The following SENP6 variants were observed in gnomAD, a reference collection of about 807,000 sequenced individuals.
The protein encoded by SENP6 is sentrin-specific protease 6.
In SENP6, 41 loss-of-function variants were observed where a neutral mutation model predicts 134.5. The observed-to-expected ratio is 0.30, with a 90% confidence interval of 0.24 to 0.40. SENP6 has a LOEUF of 0.40. Among genes scored for constraint, SENP6 ranks in the 10% least tolerant of loss-of-function variants. The pLI, the probability that SENP6 is intolerant of heterozygous loss-of-function variation, is 1.00. For missense variants in SENP6, 1,248 were observed against 1,312.5 expected, an observed-to-expected ratio of 0.95 and a Z score of 0.76; for synonymous variants, 395 against 429.8, an observed-to-expected ratio of 0.92 and a Z score of 1.00.
chr6:75,652,540 C>A (rs757508292), intron 7 of SENP6, among the ~76,000 whole-genome samples: 1 of 150,914 alleles, frequency 6.6e-6, no homozygotes, highest in Non-Finnish European at 1.5e-5. Context: ...ACGTTAATGC[C>A]AAAATGCCTT....
chr6:75,663,821 T>TGG lies in SENP6; in HGVS notation c.994+313_994+314dup, dbSNP rs34474209. 4.0e-3 allele frequency among the ~76,000 whole-genome samples: 472 copies of TGG among 117,396 alleles called. 8 individuals are homozygous for TGG. The highest frequency in any genetic ancestry group is 0.014 in the East Asian group (64 of 4,460). The allele number at this position is 117,396 out of a possible 152,430, so 77.0% of individuals were successfully genotyped here. ...TGCTGATAGTGGGTTTTTTTTTTTG[T>TGG]GGGGGGGGGGGTGCCTAAAATAACA... On this transcript the variant is annotated intron_variant, in intron 9 of 23. Coordinates refer to ENST00000447266, the MANE Select transcript of SENP6 (RefSeq NM_015571.4).
intron 1 of SENP6, among the ~76,000 whole-genome samples, chr6:75,620,340 ACTGAGTGGC>A (rs1768175466): frequency 1.3e-5 from 2 of 152,064 alleles, no homozygotes; most frequent in South Asian, 4.2e-4. Context: ...AAGTCCATAG[ACTGAGTGGC>A]CTTTAAACCT....
At chr6:75,692,095 A>C (rs977678199) in intron 16 of SENP6, among the ~76,000 whole-genome samples, 4 of 152,082 alleles carry the variant, frequency 2.6e-5, no homozygotes, top group Non-Finnish European at 5.9e-5. Flanking sequence ...ACCTCAGGTG[A>C]TCCGCCTGCC....
At chr6:75,685,633 T>C (rs1363461468) in intron 16 of SENP6, among the ~76,000 whole-genome samples, 1 of 152,242 alleles carries the variant, frequency 6.6e-6, no homozygotes, top group African/African-American at 2.4e-5. Context: ...AACATCTTTA[T>C]TTCTGTCTTC....
rs566322466 is a variant in SENP6 at position 75,711,693 on chromosome 6, G to A, written c.2909+277G>A. 1.4e-4 allele frequency among the ~76,000 whole-genome samples: 22 copies of A among 152,238 alleles called. No homozygotes were observed. In the East Asian group the frequency reaches 3.9e-3, roughly 27 times the overall value. ...AATTTTTTATGTGTATATTTTTTGA[G>A]ACAGAGTCTTGCTCTGTCGCCCAGG... On this transcript the variant is annotated intron_variant, in intron 21 of 23. Transcript: ENST00000447266.
intron 1 of SENP6, among the ~76,000 whole-genome samples, chr6:75,607,991 T>G (rs1307359888): frequency 6.6e-6 from 1 of 152,204 alleles, no homozygotes; most frequent in Admixed American, 6.5e-5. Context: ...AATACACCTC[T>G]TTTTCTTTTG....
chr6:75,683,664 C>T (rs928304849), intron 16 of SENP6, among the ~76,000 whole-genome samples: 48 of 149,552 alleles, frequency 3.2e-4, no homozygotes, highest in African/African-American at 9.6e-4. Context: ...ATCCTTTCCC[C>T]GTTTCTTGTT....
At position 75,697,524 on chromosome 6, in the gene SENP6, A is replaced by T; in HGVS notation, c.2288+7A>T. 1.9e-6 allele frequency: 3 copies of T among 1,590,604 alleles called. No individual in the cohort carries two copies. Among genetic ancestry groups the T allele is most frequent in the Non-Finnish European group, 2.6e-6 (3 of 1,161,334 alleles). Reference sequence around the variant, plus strand: ...TTGTACCCCTTAATGAAGCGTGAGTAAGAATTTCCTTTAAAGGAAAATCTT... The same window carrying T: ...TTGTACCCCTTAATGAAGCGTGAGTTAGAATTTCCTTTAAAGGAAAATCTT... On this transcript the variant is annotated splice_region_variant and intron_variant, in intron 18 of 23. Coordinates refer to ENST00000447266, the MANE Select transcript of SENP6 (RefSeq NM_015571.4).
intron 18 of SENP6, among the ~76,000 whole-genome samples, chr6:75,701,886 C>T (rs574986197): frequency 1.3e-5 from 2 of 152,042 alleles, no homozygotes; most frequent in South Asian, 2.1e-4. Flanking sequence ...GCAATCCACC[C>T]GCCTCGGCCT....
At chr6:75,690,923 T>G (rs1280272320) in intron 16 of SENP6, among the ~76,000 whole-genome samples, 2 of 151,786 alleles carry the variant, frequency 1.3e-5, no homozygotes, top group Non-Finnish European at 2.9e-5. Flanking sequence ...GTCTTGAACT[T>G]CTGTCCTCAA....
Position 75,640,679 on chromosome 6 carries a change from T to C in SENP6, c.459-5T>C. Reference sequence around the variant, plus strand: ...TTATATTTTTTTTCTTTTTCATGTTTTAAGCAGTCTGGACCGAAAAGAAAG... The same window carrying C: ...TTATATTTTTTTTCTTTTTCATGTTCTAAGCAGTCTGGACCGAAAAGAAAG... On this transcript the variant is annotated splice_region_variant and splice_polypyrimidine_tract_variant and intron_variant, in intron 5 of 23. Transcript: ENST00000447266. 1 of 1,531,812 alleles carries C rather than the reference T, an allele frequency of 6.5e-7. No individual in the cohort carries two copies. Among genetic ancestry groups the C allele is most frequent in the Non-Finnish European group, 8.8e-7 (1 of 1,133,708 alleles). 94.9% of individuals were successfully genotyped at this position (1,531,812 alleles called of 1,614,324 possible).
At chr6:75,678,155 C>G (rs1482629811) in intron 14 of SENP6, 1 of 154,592 alleles carries the variant, frequency 6.5e-6, no homozygotes, top group Non-Finnish European at 1.4e-5. Context: ...CAAGGAACCC[C>G]TGTTTCACTT....
intron 16 of SENP6, among the ~76,000 whole-genome samples, chr6:75,694,952 G>A (rs1449062046): frequency 6.6e-6 from 1 of 152,024 alleles, no homozygotes; most frequent in East Asian, 1.9e-4. Context: ...TTGGCTCACT[G>A]CAACCTCTGC....
chr6:75,647,856 G>C (rs1457267145), intron 7 of SENP6, 55 bp downstream of exon 7: 1 of 1,316,986 alleles, frequency 7.6e-7, no homozygotes, highest in Non-Finnish European at 1.1e-6. Flanking sequence ...TGTATGAAAA[G>C]TACAATGGAG....
intron 19 of SENP6, 85 bp from the exon 20 acceptor site, chr6:75,709,442 T>G: frequency 2.4e-6 from 2 of 828,146 alleles, no homozygotes; most frequent in Non-Finnish European, 3.9e-6. Context: ...TATCATTAAT[T>G]AACTACTAGC....
chr6:75,663,525 AT>A lies in SENP6; in HGVS notation c.994+11del. 6.3e-7 allele frequency: 1 copy of A among 1,597,042 alleles called. No homozygotes were observed. Among genetic ancestry groups the A allele is most frequent in the Non-Finnish European group, 8.5e-7 (1 of 1,174,514 alleles). On this transcript the variant is annotated splice_region_variant and intron_variant, in intron 9 of 23. Coordinates refer to ENST00000447266, the MANE Select transcript of SENP6 (RefSeq NM_015571.4). ...TCAGACCTAAATGATCCAAGTAAGT[AT>A]TTTACTCCCTTTAATATTGCTTATA...
At chr6:75,628,621 A>C (rs1768877057) in intron 3 of SENP6, among the ~76,000 whole-genome samples, 1 of 152,170 alleles carries the variant, frequency 6.6e-6, no homozygotes, top group Non-Finnish European at 1.5e-5. Context: ...ATGGAGGGAA[A>C]TTTCTTTTTA....
intron 16 of SENP6, among the ~76,000 whole-genome samples, chr6:75,689,290 T>A (rs1774069102): frequency 6.6e-6 from 1 of 152,194 alleles, no homozygotes; most frequent in Non-Finnish European, 1.5e-5. Flanking sequence ...CTTTTTTAAG[T>A]GATCCATACA....
chr6:75,626,591 C>A (rs1768716416), intron 3 of SENP6, among the ~76,000 whole-genome samples: 1 of 152,098 alleles, frequency 6.6e-6, no homozygotes, highest in Admixed American at 6.5e-5. Flanking sequence ...TATAAGACTT[C>A]ACTAAAACCT....
Sources: gnomAD v4.1 joint callset for allele counts (sites outside exome capture counted in the v4.1 genomes callset) on GRCh38, gnomAD v4.1.1 for gene constraint, MANE v1.5 for transcripts, NCBI Gene and HGNC (gene_info 2026-07-23, HGNC 2026-07-21) for gene names.